The following RNF175 variants were observed in gnomAD, a reference collection of about 807,000 sequenced individuals.
RNF175 encodes the protein ring finger protein 175.
A neutral mutation model predicts 50.0 loss-of-function variants in RNF175; 38 were observed. The ratio of observed to expected loss-of-function variants is 0.76; its 90% CI spans 0.59 to 1.00. The LOEUF (loss-of-function observed/expected upper bound fraction) is 1.00. Among genes scored for constraint, RNF175 ranks in the 50% least tolerant of loss-of-function variants. The probability of loss-of-function intolerance (pLI) is 0.00; values close to 1 mark genes in which losing one functional copy is unlikely to be tolerated. For missense variants in RNF175, 388 were observed against 409.6 expected (o/e 0.95, Z 0.46); for synonymous variants, 155 against 146.1 (o/e 1.06, Z -0.44).
chr4:153,729,404 G>A (rs1738906938), intron 3 of RNF175, among the ~76,000 whole-genome samples: 1 of 152,188 alleles, frequency 6.6e-6, no homozygotes, highest in Non-Finnish European at 1.5e-5. Context: ...AGTGGTTAGA[G>A]CTTGCTTATC....
At chr4:153,755,938 C>T (rs1449260055) in intron 1 of RNF175, among the ~76,000 whole-genome samples, 1 of 152,100 alleles carries the variant, frequency 6.6e-6, no homozygotes, top group Non-Finnish European at 1.5e-5. Flanking sequence ...AAGCATGCTT[C>T]AAAGCAGTTG....
At chr4:153,739,917 T>C (rs1159135019) in intron 3 of RNF175, among the ~76,000 whole-genome samples, 1 of 152,190 alleles carries the variant, frequency 6.6e-6, no homozygotes, top group Non-Finnish European at 1.5e-5. Flanking sequence ...GTCATTATTA[T>C]TTCAAATATT....
chr4:153,747,205 A>C (rs1740024131), intron 3 of RNF175, among the ~76,000 whole-genome samples: 1 of 152,174 alleles, frequency 6.6e-6, no homozygotes, highest in Non-Finnish European at 1.5e-5. Flanking sequence ...CCCCTTTATC[A>C]AAGGGTCACT....
chr4:153,737,277 G>A (rs1560786067), intron 3 of RNF175, among the ~76,000 whole-genome samples: 2 of 151,756 alleles, frequency 1.3e-5, no homozygotes. Flanking sequence ...GTTTCATTGT[G>A]TTTCCTCTAC....
rs1229093704 is a variant in RNF175, at chr4:153,759,808, G to A, written c.55C>T (p.Gln19Ter). The stretch of plus-strand genomic sequence containing the variant: ...CCCCGCGCCAGTACCTGCTCCTGCT[G>A]CGGGGGGGCCTCCAGCACCGGCGCT... ...KAAPVLEAPP[Q>*]QEQLSHTKLS... Residue 19 changes from glutamine (Q) to a stop codon, truncating the protein, a stop_gained, in exon 1 of 9, where the codon CAG becomes TAG. Transcript: ENST00000347063. LOFTEE classifies it high-confidence loss of function. 6.8e-7 allele frequency: 1 copy of A among 1,478,436 alleles called. No individual in the cohort carries two copies. The highest frequency in any genetic ancestry group is 8.9e-7 in the Non-Finnish European group (1 of 1,122,682). 91.6% of individuals were successfully genotyped at this position (1,478,436 alleles called of 1,614,324 possible). A position where few individuals can be genotyped will look rare whatever the true frequency, so the allele number is the denominator to read the frequency against.
At chr4:153,751,508 A>C in intron 1 of RNF175, 33 bp from the exon 2 acceptor site, 1 of 1,521,574 alleles carries the variant, frequency 6.6e-7, no homozygotes, top group Non-Finnish European at 8.9e-7. Flanking sequence ...TTATCAAAAA[A>C]TGTCCTTATT....
intron 4 of RNF175, among the ~76,000 whole-genome samples, chr4:153,723,801 G>A (rs771158902): frequency 7.9e-5 from 12 of 152,150 alleles, no homozygotes; most frequent in Non-Finnish European, 1.5e-4. Context: ...TGGTCCTAGG[G>A]TTAACCTTGA....
In RNF175 at chr4:153,748,750, G is replaced by A; in HGVS notation, c.141C>T (p.Gly47=). 6.2e-7 allele frequency: 1 copy of A among 1,611,848 alleles called. No homozygotes were observed. The highest frequency in any genetic ancestry group is 8.5e-7 in the Non-Finnish European group (1 of 1,179,010). The change falls in exon 3 of 9, where the codon GGC becomes GGT. Residue 47 remains glycine, a synonymous_variant. Coordinates refer to ENST00000347063, the MANE Select transcript of RNF175 (RefSeq NM_173662.4). ...QQERMYKMHR[G]HDSMHVEMIL... ...TCATTTCCACGTGCATGGAATCGTG[G>A]CCCCGGTGCATCTTGTACATCCTCT...
At chr4:153,711,644 G>A (rs185019304) in intron 8 of RNF175, among the ~76,000 whole-genome samples, 75 of 152,330 alleles carry the variant, frequency 4.9e-4, no homozygotes, top group Non-Finnish European at 9.7e-4. Flanking sequence ...ATGGTACTTG[G>A]CAGGTTGATG....
At chr4:153,738,733 T>C (rs999429484) in intron 3 of RNF175, among the ~76,000 whole-genome samples, 2 of 152,248 alleles carry the variant, frequency 1.3e-5, no homozygotes, top group African/African-American at 4.8e-5. Context: ...ATTGATATAG[T>C]TGGATTAATA....
At chr4:153,729,417 A>G (rs1738907780) in intron 3 of RNF175, among the ~76,000 whole-genome samples, 1 of 152,210 alleles carries the variant, frequency 6.6e-6, no homozygotes, top group Non-Finnish European at 1.5e-5. Flanking sequence ...TGCTTATCGC[A>G]TATTCATCAT....
chr4:153,759,432 TCCG>T, intron 1 of RNF175, among the ~76,000 whole-genome samples: 1 of 152,162 alleles, frequency 6.6e-6, no homozygotes, highest in Non-Finnish European at 1.5e-5. Flanking sequence ...TCTGGGGGCT[TCCG>T]CCGAGGAGGG....
At chr4:153,731,955 C>T (rs1739061860) in intron 3 of RNF175, among the ~76,000 whole-genome samples, 1 of 151,984 alleles carries the variant, frequency 6.6e-6, no homozygotes, top group Non-Finnish European at 1.5e-5. Flanking sequence ...TATGGGTTGG[C>T]ACGTGGTGAC....
At chr4:153,720,441 C>A in intron 5 of RNF175, 137 bp from the exon 6 acceptor site, 1 of 671,346 alleles carries the variant, frequency 1.5e-6, no homozygotes, top group Non-Finnish European at 2.5e-6. Flanking sequence ...TTTGATTTTT[C>A]TTTTTTAAAT....
chr4:153,713,561 A>G (rs1428663685), intron 7 of RNF175: 1 of 152,180 alleles, frequency 6.6e-6, no homozygotes, highest in Non-Finnish European at 1.5e-5. Context: ...CCAAGATCAC[A>G]TGATCTTCTG....
At chr4:153,756,509 G>A (rs1489917868) in intron 1 of RNF175, among the ~76,000 whole-genome samples, 1 of 152,024 alleles carries the variant, frequency 6.6e-6, no homozygotes. Flanking sequence ...AACCAACCCT[G>A]TACCTCCAAC....
rs552482857 is a variant in RNF175 at position 153,751,938 on chromosome 4, A to T, written c.67-463T>A. Among the ~76,000 whole-genome samples the T allele has an allele frequency of 2.6e-5, 4 of 152,272 alleles. No homozygotes were observed. In the East Asian group the frequency reaches 7.8e-4, roughly 30 times the overall value. ...TCCAAGTTCAAAGTTTCAGAGACAG[A>T]GCTGAGCAGAGGCTCCGTTGATTTG... On this transcript the variant is annotated intron_variant, in intron 1 of 8. Transcript: ENST00000347063.
rs1275238346 is a variant in RNF175, at chr4:153,720,302, AT to A, written c.511del (p.Ile171SerfsTer22). The A allele has an allele frequency of 6.2e-7, 1 of 1,612,884 alleles. No homozygotes were observed. The highest frequency in any genetic ancestry group is 2.2e-5 in the East Asian group (1 of 44,860). On this transcript the variant is annotated frameshift_variant and splice_region_variant, in exon 6 of 9. Transcript: ENST00000347063. LOFTEE classifies it high-confidence loss of function. ...AAAATCCATGGAATCTCTAGCTTTG[AT>A]TCTATTGAAAACAACAGTATAAGGA... ...TMCGFNLFFKIKARDSMDFGI... is the reference protein window; with the variant it reads ...TMCGFNLFFKXKARDSMDFGI...
chr4:153,746,133 A>G (rs986575879), intron 3 of RNF175, among the ~76,000 whole-genome samples: 2 of 152,240 alleles, frequency 1.3e-5, no homozygotes, highest in Non-Finnish European at 2.9e-5. Flanking sequence ...AGCCTGTGAA[A>G]TTAACAAGTT....
Sources: allele counts gnomAD v4.1 joint callset (sites outside exome capture counted in the v4.1 genomes callset), GRCh38; gene constraint gnomAD v4.1.1; transcripts MANE v1.5; gene names NCBI Gene and HGNC (gene_info 2026-07-23, HGNC 2026-07-21).